MOV10L1: variants seen among roughly 807,000 people sequenced by gnomAD.
MOV10L1 encodes the protein Mov10 like RNA helicase 1.
MOV10L1 carries 110 observed loss-of-function variants against 143.8 expected under a neutral mutation model. That is an observed-to-expected ratio of 0.76 (90% confidence interval 0.66 to 0.90). The LOEUF is 0.90. Among genes scored for constraint, MOV10L1 ranks in the 40% least tolerant of loss-of-function variants. The probability of loss-of-function intolerance (pLI) is 0.00; values close to 1 mark genes in which losing one functional copy is unlikely to be tolerated. For missense variants in MOV10L1, 1,406 were observed against 1,526.8 expected, an observed-to-expected ratio of 0.92 and a Z score of 1.32; for synonymous variants, 593 against 581.1, an observed-to-expected ratio of 1.02 and a Z score of -0.29.
chr22:50,149,373 A>G, intron 19 of MOV10L1: 2 of 518,224 alleles, frequency 3.9e-6, no homozygotes, highest in Middle Eastern at 5.1e-4. Context: ...TCTTCCCTCC[A>G]CATCTCTAGA....
chr22:50,117,397 C>A, intron 9 of MOV10L1, 46 bp downstream of exon 9: 2 of 1,593,336 alleles, frequency 1.3e-6, no homozygotes. Context: ...GCAGTTTTAT[C>A]TGTGAAGGAA....
At chr22:50,146,171 C>T in intron 19 of MOV10L1, among the ~76,000 whole-genome samples, 1 of 132,866 alleles carries the variant, frequency 7.5e-6, no homozygotes, top group Admixed American at 8.5e-5. Context: ...TGTGGAGGGG[C>T]CTTTGGACGA....
chr22:50,114,331 T>C lies in MOV10L1; in HGVS notation c.885-50T>C, dbSNP rs989368686. On this transcript the variant is annotated intron_variant, in intron 6 of 26. Transcript: ENST00000262794. ...TTTGTGTTTTATGATAACTGAATAT[T>C]TTGGTTTTAGAAATCCTGGCTGTGT... 3.1e-6 allele frequency: 5 copies of C among 1,591,006 alleles called. No individual in the cohort carries two copies. In the African/African-American group the frequency reaches 6.8e-5, roughly 21 times the overall value.
intron 2 of MOV10L1, chr22:50,094,664 C>G (rs1162031458): frequency 6.6e-6 from 1 of 152,138 alleles, no homozygotes; most frequent in African/African-American, 2.4e-5. Context: ...TCCCAAAGTG[C>G]CGGGATTACA....
At chr22:50,129,947 A>T (rs1434704303) in intron 13 of MOV10L1, among the ~76,000 whole-genome samples, 1 of 152,150 alleles carries the variant, frequency 6.6e-6, no homozygotes, top group South Asian at 2.1e-4. Flanking sequence ...ATTCTTAGGT[A>T]CATATCTTCT....
chr22:50,156,452 T>C lies in MOV10L1; in HGVS notation c.3067-1605T>C, dbSNP rs1002084032. Among the ~76,000 whole-genome samples the C allele has an allele frequency of 2.0e-5, 3 of 152,240 alleles. No individual in the cohort carries two copies. In the East Asian group the frequency reaches 5.8e-4, roughly 29 times the overall value. ...GTGTAAAGTTTAATAGTGTTAAGTATATTCACATTGTTTTGCAGTCTCCAG... is the reference window on the plus strand; with the variant it reads ...GTGTAAAGTTTAATAGTGTTAAGTACATTCACATTGTTTTGCAGTCTCCAG... On this transcript the variant is annotated intron_variant, in intron 22 of 26. Coordinates refer to ENST00000262794, the MANE Select transcript of MOV10L1 (RefSeq NM_018995.3).
chr22:50,151,049 G>T, intron 21 of MOV10L1, 150 bp downstream of exon 21: 1 of 916,050 alleles, frequency 1.1e-6, no homozygotes, highest in Non-Finnish European at 1.6e-6. Context: ...TCCCCCGTCA[G>T]CAGAAACTGC....
intron 16 of MOV10L1, 89 bp from the exon 17 acceptor site, chr22:50,142,954 C>T (rs1360218448): frequency 7.2e-6 from 9 of 1,255,742 alleles, no homozygotes; most frequent in African/African-American, 4.5e-5. Flanking sequence ...TTTGCACAGA[C>T]GTGCTGACGC....
Position 50,108,277 on chromosome 22 carries a change from G to C in MOV10L1, c.555+29G>C, listed in dbSNP as rs780655111. 4.4e-6 allele frequency: 7 copies of C among 1,583,962 alleles called. No homozygotes were observed. In the South Asian group the frequency reaches 6.8e-5, roughly 15 times the overall value. The stretch of plus-strand genomic sequence containing the variant: ...GCGTGCCGACTAGTGGCTCCTCTCT[G>C]TGCTTCTGGCAGACCTGCCATCAGG... On this transcript the variant is annotated intron_variant, in intron 4 of 26. Transcript: ENST00000262794.
intron 2 of MOV10L1, 30 bp from the exon 3 acceptor site, chr22:50,099,413 A>G: frequency 6.3e-7 from 1 of 1,599,146 alleles, no homozygotes; most frequent in South Asian, 1.1e-5. Flanking sequence ...TTCTCGTATT[A>G]TGGTTTAGAG....
At chr22:50,157,956 A>G (rs2063468664) in intron 22 of MOV10L1, 101 bp from the exon 23 acceptor site, 8 of 1,364,636 alleles carry the variant, frequency 5.9e-6, no homozygotes, top group Non-Finnish European at 8.1e-6. Context: ...TTATTCTGTC[A>G]TATTCAGTGT....
Position 50,092,150 on chromosome 22 carries a change from G to A in MOV10L1, c.247G>A (p.Glu83Lys). Reference sequence around the variant, plus strand: ...ACAGGAAGTGATTGCAGTTGTGGAAGAAAATAAAGTGTCCAATGGACTGAA... The same window carrying A: ...ACAGGAAGTGATTGCAGTTGTGGAAAAAAATAAAGTGTCCAATGGACTGAA... The part of the protein sequence containing the change: ...VGQEVIAVVE[E>K]NKVSNGLKAI... Residue 83 changes from glutamate (E) to lysine (K), a missense_variant, in exon 2 of 27, where the codon GAA becomes AAA. Physicochemically the swap from Glu to Lys is moderately conservative, Grantham distance 56 (BLOSUM62 1). Transcript: ENST00000262794. 1 of 1,614,180 alleles carries A rather than the reference G, an allele frequency of 6.2e-7. No individual in the cohort carries two copies. The highest frequency in any genetic ancestry group is 8.5e-7 in the Non-Finnish European group (1 of 1,180,014).
chr22:50,126,775 GCAT>G (rs1182320161), intron 12 of MOV10L1, among the ~76,000 whole-genome samples: 1 of 152,182 alleles, frequency 6.6e-6, no homozygotes, highest in Non-Finnish European at 1.5e-5. Context: ...CTCTATCTGT[GCAT>G]CAGAGAAGAT....
intron 20 of MOV10L1, among the ~76,000 whole-genome samples, chr22:50,149,951 G>A (rs532086841): frequency 6.6e-6 from 1 of 152,342 alleles, no homozygotes; most frequent in South Asian, 2.1e-4. Flanking sequence ...AGGTGTTGGG[G>A]ATACAGCGGT....
chr22:50,126,110 A>G (rs1005703653), intron 11 of MOV10L1, 92 bp from the exon 12 acceptor site: 3 of 864,562 alleles, frequency 3.5e-6, no homozygotes, highest in Non-Finnish European at 5.6e-6. Flanking sequence ...GTAACGTTTT[A>G]TTGAACCTCC....
intron 5 of MOV10L1, among the ~76,000 whole-genome samples, chr22:50,112,041 G>A (rs995315744): frequency 3.9e-5 from 6 of 152,220 alleles, no homozygotes; most frequent in East Asian, 1.9e-4. Context: ...GGTAGCAGCC[G>A]GAGGGTGGAC....
chr22:50,152,913 A>C lies in MOV10L1; in HGVS notation c.2893-132A>C. 1 of 868,004 alleles carries C rather than the reference A, an allele frequency of 1.2e-6. No homozygotes were observed. The highest frequency in any genetic ancestry group is 1.8e-6 in the Non-Finnish European group (1 of 558,780). The allele number at this position is 868,004 out of a possible 1,614,324, so 53.8% of individuals were successfully genotyped here. A position where few individuals can be genotyped will look rare whatever the true frequency, so the allele number is the denominator to read the frequency against. On this transcript the variant is annotated intron_variant, in intron 21 of 26. Transcript: ENST00000262794. This position sits in a 1 kb window ranked among gnomAD's most constrained non-coding sequence, Gnocchi z 4.4. ...CTTGGTCTGGGGGCAGGCGACACAC[A>C]GGGGCGCAGGAGCAGAGTCAGGCTT...
rs773385228 is a variant in MOV10L1 at position 50,149,650 on chromosome 22, C to T, written c.2663C>T (p.Ala888Val). The change falls in exon 20 of 27, where the codon GCT (alanine) becomes GTT (valine). Residue 888 changes from alanine to valine, a missense_variant. Transcript: ENST00000262794. ...TTCACTCACGTGTTTGTGGACGAGG[C>T]TGGGCAGGCAAGTGAGCCGGAATGC... is the stretch of plus-strand genomic sequence containing the variant. ...GHFTHVFVDE[A>V]GQASEPECLI... 6.2e-7 allele frequency: 1 copy of T among 1,614,142 alleles called. No homozygotes were observed. The highest frequency in any genetic ancestry group is 8.5e-7 in the Non-Finnish European group (1 of 1,179,984).
At chr22:50,156,914 AT>A (rs1569052651) in intron 22 of MOV10L1, among the ~76,000 whole-genome samples, 1 of 152,256 alleles carries the variant, frequency 6.6e-6, no homozygotes, top group African/African-American at 2.4e-5. Flanking sequence ...TCTAGTCTTA[AT>A]TTTTTGAGAA....
Sources: gnomAD v4.1 joint callset for allele counts (sites outside exome capture counted in the v4.1 genomes callset) on GRCh38, gnomAD v4.1.1 for gene constraint, Gnocchi (gnomAD v3.1) non-coding constraint, MANE v1.5 for transcripts, NCBI Gene and HGNC (gene_info 2026-07-23, HGNC 2026-07-21) for gene names.